Variants in HIF3A observed in about 807,000 individuals in gnomAD.
HIF3A encodes the protein hypoxia-inducible factor 3-alpha.
A neutral mutation model predicts 67.2 loss-of-function variants in HIF3A; 41 were observed. That is an observed-to-expected ratio of 0.61 (90% CI 0.48 to 0.79). The LOEUF is 0.79. Among genes scored for constraint, HIF3A ranks in the 30% least tolerant of loss-of-function variants. The pLI, the probability that HIF3A is intolerant of heterozygous loss-of-function variation, is 0.00. For synonymous variants in HIF3A, 356 were observed against 374.8 expected (o/e 0.95, Z 0.58); for missense variants, 855 against 898.0 (o/e 0.95, Z 0.61).
chr19:46,305,337 G>A lies in HIF3A; in HGVS notation c.310G>A (p.Gly104Arg). 6.2e-7 allele frequency: 1 copy of A among 1,614,096 alleles called. No homozygotes were observed. Among genetic ancestry groups the A allele is most frequent in the Non-Finnish European group, 8.5e-7 (1 of 1,180,028 alleles). The change falls in exon 3 of 15, where the codon GGA becomes AGA. Residue 104 changes from glycine to arginine, a missense_variant. Gly to Arg is a moderately radical substitution (Grantham distance 125). Coordinates refer to ENST00000377670, the MANE Select transcript of HIF3A (RefSeq NM_152795.4). ...CTTCGTCATGGTGCTCACCGCCGAGGGAGACATGGCTTACCTGTCGGAGAA... is the reference window on the plus strand; with the variant it reads ...CTTCGTCATGGTGCTCACCGCCGAGAGAGACATGGCTTACCTGTCGGAGAA... ...EGFVMVLTAE[G>R]DMAYLSENVS...
intron 13 of HIF3A, among the ~76,000 whole-genome samples, chr19:46,333,953 T>C (rs1049703167): frequency 1.3e-5 from 2 of 148,258 alleles, no homozygotes; most frequent in African/African-American, 2.5e-5. Context: ...CCACCACGCC[T>C]GGTTATTTTT....
intron 12 of HIF3A, among the ~76,000 whole-genome samples, chr19:46,330,516 A>G (rs2147281286): frequency 6.8e-6 from 1 of 147,616 alleles, no homozygotes; most frequent in Admixed American, 6.7e-5. Flanking sequence ...GGATGGATGG[A>G]TAGTTGGATG....
At chr19:46,334,876 A>G (rs369136472) in intron 13 of HIF3A, 29 bp from the exon 14 acceptor site, 39 of 1,546,412 alleles carry the variant, frequency 2.5e-5, no homozygotes, top group South Asian at 4.6e-5. Flanking sequence ...GATGATGATG[A>G]TGGTGGTGGC....
Position 46,309,331 on chromosome 19 carries a change from G to A in HIF3A, c.742G>A (p.Asp248Asn). ...RGAFLSRHSL[D>N]MKFTYCDDRI... ...GGCCTTCCTCAGCCGCCACAGCCTG[G>A]ACATGAAGTTCACCTACTGTGACGA... The change falls in exon 6 of 15, where the codon GAC becomes AAC. Residue 248 changes from aspartate to asparagine, a missense_variant. Asp to Asn is a conservative substitution (Grantham distance 23, BLOSUM62 1). Around this residue, in one of 3 missense-constraint regions of HIF3A, gnomAD observed 638 missense variants for 660.5 expected, o/e 0.97. Coordinates refer to ENST00000377670, the MANE Select transcript of HIF3A (RefSeq NM_152795.4). 1 of 1,612,222 alleles carries A rather than the reference G, an allele frequency of 6.2e-7. No individual in the cohort carries two copies. The highest frequency in any genetic ancestry group is 2.2e-5 in the East Asian group (1 of 44,836).
Position 46,318,776 on chromosome 19 carries a change from A to G in HIF3A, c.1026-1667A>G, listed in dbSNP as rs548099554. 1.8e-3 allele frequency among the ~76,000 whole-genome samples: 268 copies of G among 151,790 alleles called. 1 individual carries two copies. The highest frequency in any genetic ancestry group is 3.0e-3 in the Non-Finnish European group (204 of 67,932). On this transcript the variant is annotated intron_variant, in intron 8 of 14. Transcript: ENST00000377670. ...GCTGGGACTACAGGCGCATGCCACC[A>G]CACTCAGCTAATTTTTGTATTTTTA... is the stretch of plus-strand genomic sequence containing the variant.
At chr19:46,313,984 G>GT (rs918584098) in intron 8 of HIF3A, among the ~76,000 whole-genome samples, 25 of 151,948 alleles carry the variant, frequency 1.6e-4, no homozygotes, top group African/African-American at 5.8e-4. Flanking sequence ...TATATCAGTA[G>GT]TTCCTTTGTA....
rs529225639 is a variant in HIF3A, at chr19:46,306,094, A to G, written c.363+704A>G. On this transcript the variant is annotated intron_variant, in intron 3 of 14. Coordinates refer to ENST00000377670, the MANE Select transcript of HIF3A (RefSeq NM_152795.4). ...ACCCAGTCGCAAACAAACAAACAAA[A>G]AAATAATAAAAAGTTTATCCTCCTA... Among the ~76,000 whole-genome samples the G allele has an allele frequency of 2.0e-5, 3 of 152,322 alleles. No individual in the cohort carries two copies. In the South Asian group the frequency reaches 6.2e-4, roughly 32 times the overall value.
At chr19:46,326,255 C>T (rs1418869809) in intron 11 of HIF3A, among the ~76,000 whole-genome samples, 1 of 152,170 alleles carries the variant, frequency 6.6e-6, no homozygotes, top group Non-Finnish European at 1.5e-5. Flanking sequence ...CCTAAGTGTC[C>T]TCACAACATG....
chr19:46,304,147 A>G (rs1437047591), intron 2 of HIF3A, 59 bp downstream of exon 2: 31 of 1,455,918 alleles, frequency 2.1e-5, no homozygotes, highest in Non-Finnish European at 2.6e-5. Flanking sequence ...GAAAAAAACT[A>G]CATCCCAGGG....
chr19:46,324,225 T>G (rs1232798376), intron 10 of HIF3A, among the ~76,000 whole-genome samples: 1 of 152,230 alleles, frequency 6.6e-6, no homozygotes, highest in Non-Finnish European at 1.5e-5. Flanking sequence ...TAATAACATG[T>G]CACCACATCA....
intron 7 of HIF3A, 71 bp from the exon 8 acceptor site, chr19:46,312,435 C>G (rs770464384): frequency 1.1e-5 from 17 of 1,599,400 alleles, no homozygotes; most frequent in African/African-American, 1.4e-5. Context: ...CCCCTCATAC[C>G]CAGTCCCCAG....
chr19:46,309,050 A>C (rs546854307), intron 5 of HIF3A, 101 bp from the exon 6 acceptor site: 22 of 1,003,884 alleles, frequency 2.2e-5, no homozygotes, highest in Middle Eastern at 4.6e-4. Context: ...TGGGGTTGGA[A>C]TCTCAGCTCC....
intron 11 of HIF3A, among the ~76,000 whole-genome samples, chr19:46,328,080 C>T (rs1173499437): frequency 6.6e-6 from 1 of 152,246 alleles, no homozygotes; most frequent in Non-Finnish European, 1.5e-5. Flanking sequence ...CTCTACCTTC[C>T]CTGGATCCGG....
chr19:46,318,977 C>T (rs202044322), intron 8 of HIF3A, among the ~76,000 whole-genome samples: 92 of 152,206 alleles, frequency 6.0e-4, no homozygotes, highest in Admixed American at 7.2e-4. Context: ...GTGTAAGTAG[C>T]GGAGCTGGGA....
chr19:46,305,532 A>G, intron 3 of HIF3A, 142 bp downstream of exon 3: 1 of 871,048 alleles, frequency 1.1e-6, no homozygotes, highest in Non-Finnish European at 1.8e-6. Flanking sequence ...AGGAAGACCC[A>G]GAATGGTCAG....
chr19:46,335,051 T>C, intron 14 of HIF3A, 65 bp downstream of exon 14: 1 of 1,329,980 alleles, frequency 7.5e-7, no homozygotes, highest in Non-Finnish European at 1.1e-6. Flanking sequence ...GCGAGAGGGA[T>C]GGAGCCATTC....
intron 3 of HIF3A, 92 bp downstream of exon 3, chr19:46,305,482 G>T: frequency 8.1e-7 from 1 of 1,236,468 alleles, no homozygotes; most frequent in South Asian, 1.3e-5. Flanking sequence ...TACCTTTATG[G>T]GACTCACAAT....
rs1967934104 is a variant in HIF3A, at chr19:46,297,249, C to A, written c.26+147C>A. The A allele has an allele frequency of 2.2e-6, 1 of 464,222 alleles. No homozygotes were observed. 28.8% of individuals were successfully genotyped at this position (464,222 alleles called of 1,614,324 possible). ...CAGTTGGAGGCACATCCCCACCGCA[C>A]TCTCCACCCTTAGGGACTGCAGGGG... is the stretch of plus-strand genomic sequence containing the variant. On this transcript the variant is annotated intron_variant, in intron 1 of 14. Coordinates refer to ENST00000377670, the MANE Select transcript of HIF3A (RefSeq NM_152795.4). This position sits in a 1 kb window ranked among gnomAD's most constrained non-coding sequence, Gnocchi z 4.5.
chr19:46,313,404 C>A, intron 8 of HIF3A: 1 of 698,780 alleles, frequency 1.4e-6, no homozygotes, highest in Non-Finnish European at 1.7e-6. Context: ...AGGAGGATTG[C>A]TAGAGCCTGG....
Sources: gnomAD v4.1 joint callset for allele counts (sites outside exome capture counted in the v4.1 genomes callset) on GRCh38, gnomAD v4.1.1 for gene constraint, gnomAD v4.1.1 regional missense constraint, Gnocchi (gnomAD v3.1) non-coding constraint, MANE v1.5 for transcripts, NCBI Gene and HGNC (gene_info 2026-07-23, HGNC 2026-07-21) for gene names.